The following PIGU variants were observed in gnomAD, a reference collection of about 807,000 sequenced individuals.
PIGU encodes phosphatidylinositol glycan anchor biosynthesis class U.
Under a neutral mutation model 49.9 loss-of-function variants are expected in PIGU, and 24 were observed. The ratio of observed to expected loss-of-function variants is 0.48; its 90% CI spans 0.35 to 0.68. The LOEUF is 0.68. PIGU is among the 30% of genes least tolerant of loss of function. The probability of loss-of-function intolerance (pLI) is 0.01; values close to 1 mark genes in which losing one functional copy is unlikely to be tolerated. For synonymous variants in PIGU, 220 were observed against 205.7 expected (o/e 1.07, Z -0.59); for missense variants, 490 against 532.6 (o/e 0.92, Z 0.79).
intron 7 of PIGU, among the ~76,000 whole-genome samples, chr20:34,601,591 G>T (rs1984427444): frequency 6.6e-6 from 1 of 152,280 alleles, no homozygotes; most frequent in South Asian, 2.1e-4. Flanking sequence ...TACAGCACCT[G>T]CTCCAAGAAT....
At chr20:34,631,603 G>A (rs1320224140) in intron 6 of PIGU, among the ~76,000 whole-genome samples, 1 of 139,880 alleles carries the variant, frequency 7.1e-6, no homozygotes, top group Admixed American at 7.3e-5. Flanking sequence ...GCCCAGGTTG[G>A]AGTGCAGTGG....
At chr20:34,631,721 CCATATATATATA>C (rs1985720020) in intron 6 of PIGU, among the ~76,000 whole-genome samples, 2 of 46,148 alleles carry the variant, frequency 4.3e-5, no homozygotes, top group East Asian at 9.0e-4. Context: ...GTCCGGCTAA[CCATATATATATA>C]TATATATATA....
intron 6 of PIGU, among the ~76,000 whole-genome samples, chr20:34,630,663 TA>T (rs1423164904): frequency 6.6e-6 from 1 of 152,080 alleles, no homozygotes; most frequent in Non-Finnish European, 1.5e-5. Context: ...TTATTATTAT[TA>T]TTTTTTTTAC....
intron 3 of PIGU, among the ~76,000 whole-genome samples, chr20:34,644,428 A>G (rs909498575): frequency 6.6e-6 from 1 of 152,210 alleles, no homozygotes; most frequent in African/African-American, 2.4e-5. Context: ...CCTGAGGATC[A>G]GGACCCATCT....
intron 1 of PIGU, among the ~76,000 whole-genome samples, chr20:34,661,626 T>G (rs540000395): frequency 6.6e-6 from 1 of 152,230 alleles, no homozygotes; most frequent in African/African-American, 2.4e-5. Flanking sequence ...CTGATGGGCA[T>G]TCAGGTTAAT....
chr20:34,600,540 C>T (rs1489962484), intron 7 of PIGU, among the ~76,000 whole-genome samples: 1 of 151,800 alleles, frequency 6.6e-6, no homozygotes, highest in Non-Finnish European at 1.5e-5. Flanking sequence ...CTTGATCTTC[C>T]TCCTGAAAAA....
intron 4 of PIGU, chr20:34,643,769 GT>G (rs1986240749): frequency 7.4e-6 from 1 of 134,916 alleles, no homozygotes; most frequent in Admixed American, 8.1e-5. Flanking sequence ...AGGCATAACA[GT>G]GACTTAAAAG....
chr20:34,576,209 T>TA (rs902980666), intron 10 of PIGU, among the ~76,000 whole-genome samples: 1 of 151,904 alleles, frequency 6.6e-6, no homozygotes, highest in Non-Finnish European at 1.5e-5. Flanking sequence ...AGCCCATCTC[T>TA]AAAAAAATTT....
Position 34,607,122 on chromosome 20 carries a change from T to C in PIGU, c.627+8920A>G, listed in dbSNP as rs532508034. ...CTAGAGGGTGGGGACTAGGGAATAATGTTTTGACACAATGCAAATGCAAAT... is the reference window on the plus strand; with the variant it reads ...CTAGAGGGTGGGGACTAGGGAATAACGTTTTGACACAATGCAAATGCAAAT... On this transcript the variant is annotated intron_variant, in intron 7 of 11. Transcript: ENST00000217446. Among the ~76,000 whole-genome samples the C allele has an allele frequency of 3.9e-4, 59 of 152,350 alleles. 1 individual carries two copies. The South Asian group carries it at 0.012, about 30-fold the overall frequency.
intron 1 of PIGU, among the ~76,000 whole-genome samples, chr20:34,671,272 T>C (rs1350313683): frequency 6.6e-6 from 1 of 150,918 alleles, no homozygotes; most frequent in African/African-American, 2.4e-5. Flanking sequence ...TTCTTCTTCC[T>C]TTTTTTTTGA....
intron 10 of PIGU, among the ~76,000 whole-genome samples, chr20:34,577,892 C>T (rs904655580): frequency 6.6e-6 from 1 of 152,186 alleles, no homozygotes; most frequent in Admixed American, 6.5e-5. Context: ...CAGCCCCTTA[C>T]AGTCTGCAAC....
intron 1 of PIGU, among the ~76,000 whole-genome samples, chr20:34,659,189 T>C (rs1600667709): frequency 5.0e-5 from 6 of 119,964 alleles, no homozygotes; most frequent in East Asian, 6.3e-4. Context: ...AGCCGCCCCG[T>C]CCAGGAGGGA....
chr20:34,560,975 A>G lies in PIGU; in HGVS notation c.1199T>C (p.Leu400Pro). 6.2e-7 allele frequency: 1 copy of G among 1,602,026 alleles called. No individual in the cohort carries two copies. Among genetic ancestry groups the G allele is most frequent in the Non-Finnish European group, 8.5e-7 (1 of 1,169,594 alleles). ...GGCATAGAAGTAATCAGAGATGAGC[A>G]GGATCTGGGGGGAGAGAGAGGGTGT... is the stretch of plus-strand genomic sequence containing the variant. The part of the protein sequence containing the change: ...ITLTFNVGQI[L>P]LISDYFYAFL... Residue 400 changes from leucine (L) to proline (P), a missense_variant, in exon 12 of 12, where the codon CTG becomes CCG. By Grantham distance (98) the Leu-to-Pro change is moderately conservative. Transcript: ENST00000217446.
At chr20:34,561,034 G>C in intron 11 of PIGU, 55 bp from the exon 12 acceptor site, 1 of 1,301,470 alleles carries the variant, frequency 7.7e-7, no homozygotes, top group Non-Finnish European at 1.1e-6. Context: ...CTAAACCCAG[G>C]ATCCCTGAAC....
chr20:34,605,834 T>C (rs953772576), intron 7 of PIGU, among the ~76,000 whole-genome samples: 8 of 152,228 alleles, frequency 5.3e-5, no homozygotes, highest in Admixed American at 1.3e-4. Flanking sequence ...CATGCATATA[T>C]TTATTTTTGC....
At chr20:34,604,169 T>C (rs1984531929) in intron 7 of PIGU, among the ~76,000 whole-genome samples, 1 of 152,218 alleles carries the variant, frequency 6.6e-6, no homozygotes, top group Non-Finnish European at 1.5e-5. Context: ...TAACTCGCAG[T>C]TACAATATTC....
At chr20:34,650,989 C>T (rs1173523985) in intron 2 of PIGU, among the ~76,000 whole-genome samples, 1 of 152,082 alleles carries the variant, frequency 6.6e-6, no homozygotes, top group Non-Finnish European at 1.5e-5. Context: ...GCTGGGATTA[C>T]AGATGTGAGC....
At chr20:34,669,929 C>T (rs967300136) in intron 1 of PIGU, among the ~76,000 whole-genome samples, 2 of 152,020 alleles carry the variant, frequency 1.3e-5, no homozygotes, top group African/African-American at 2.4e-5. Flanking sequence ...AAGACTAAGC[C>T]TAACGGCAAA....
At chr20:34,645,071 A>G (rs537963284) in intron 3 of PIGU, among the ~76,000 whole-genome samples, 1 of 151,942 alleles carries the variant, frequency 6.6e-6, no homozygotes, top group African/African-American at 2.4e-5. Context: ...ACAAGATGAC[A>G]AGCCGGGCAC....
Sources: allele counts gnomAD v4.1 joint callset (sites outside exome capture counted in the v4.1 genomes callset), GRCh38; gene constraint gnomAD v4.1.1; transcripts MANE v1.5; gene names NCBI Gene and HGNC (gene_info 2026-07-23, HGNC 2026-07-21).